MRPL11: variants seen among roughly 807,000 people sequenced by gnomAD.
MRPL11 encodes large ribosomal subunit protein uL11m.
MRPL11 carries 21 observed loss-of-function variants against 19.1 expected under a neutral mutation model. The ratio of observed to expected loss-of-function variants is 1.10; its 90% CI spans 0.78 to 1.58. MRPL11 has a LOEUF of 1.58. Ranked by LOEUF, MRPL11 falls within the 40% of genes most tolerant of loss-of-function variation. MRPL11 has a pLI of 0.00. For missense variants in MRPL11, 242 were observed against 243.9 expected (o/e 0.99, Z 0.05); for synonymous variants, 108 against 99.7 (o/e 1.08, Z -0.49).
At position 66,437,235 on chromosome 11, in the gene MRPL11, CA is replaced by C. The variant is rs1160978719; in HGVS notation, c.341del (p.Leu114Ter). The C allele has an allele frequency of 6.2e-7, 1 of 1,614,058 alleles. No individual in the cohort carries two copies. Among genetic ancestry groups the C allele is most frequent in the Non-Finnish European group, 8.5e-7 (1 of 1,180,030 alleles). ...TGKEVAGLVTLKHVYEIARIK... is the reference protein window; with the variant it reads ...TGKEVAGLVTXKHVYEIARIK... Reference sequence around the variant, plus strand: ...TGCGGGCAATCTCATACACATGCTTCAAGGTCACCAGGCCTGCCACCTCTTT... The same window carrying C: ...TGCGGGCAATCTCATACACATGCTTCAGGTCACCAGGCCTGCCACCTCTTT... On this transcript the variant is annotated frameshift_variant, in exon 4 of 5. Transcript: ENST00000310999. LOFTEE classifies it high-confidence loss of function.
chr11:66,437,177 C>T lies in MRPL11; in HGVS notation c.400G>A (p.Asp134Asn). ...KAQDEAFALQ[D>N]VPLSSVVRSI... Reference sequence around the variant, plus strand: ...CGGACAACAGACGACAGGGGTACATCCTGCAGGGCAAATGCCTCATCCTGA... The same window carrying T: ...CGGACAACAGACGACAGGGGTACATTCTGCAGGGCAAATGCCTCATCCTGA... Residue 134 changes from aspartate (D) to asparagine (N), a missense_variant, in exon 4 of 5, where the codon GAT becomes AAT. Physicochemically the swap from Asp to Asn is conservative, Grantham distance 23 (BLOSUM62 1). Coordinates refer to ENST00000310999, the MANE Select transcript of MRPL11 (RefSeq NM_016050.5). The T allele has an allele frequency of 6.2e-7, 1 of 1,614,224 alleles. No homozygotes were observed. The highest frequency in any genetic ancestry group is 8.5e-7 in the Non-Finnish European group (1 of 1,180,036).
rs147930041 is a variant in MRPL11, at chr11:66,438,278, G to T, written c.124-19C>A. On this transcript the variant is annotated intron_variant, in intron 1 of 4. Coordinates refer to ENST00000310999, the MANE Select transcript of MRPL11 (RefSeq NM_016050.5). ...CGCCTCTCTGTGAGGGAAGCAGAGG[G>T]GGTTAGTGGTGAGAGGAGGGGACGG... The T allele has an allele frequency of 1.0e-5, 16 of 1,591,904 alleles. No individual in the cohort carries two copies. Among genetic ancestry groups the T allele is most frequent in the Admixed American group, 1.7e-5 (1 of 59,992 alleles).
intron 2 of MRPL11, among the ~76,000 whole-genome samples, chr11:66,437,644 G>A (rs370785832): frequency 1.3e-5 from 2 of 152,104 alleles, no homozygotes; most frequent in African/African-American, 4.8e-5. Context: ...AGGAAAAGGC[G>A]GGTGGATCAC....
chr11:66,436,932 T>A, intron 4 of MRPL11, 172 bp downstream of exon 4: 1 of 1,604,202 alleles, frequency 6.2e-7, no homozygotes. Context: ...AGGTGCCCAA[T>A]AAGAGTATTC....
intron 1 of MRPL11, 46 bp downstream of exon 1, chr11:66,438,586 C>T (rs754582612): frequency 1.3e-6 from 2 of 1,489,104 alleles, no homozygotes; most frequent in East Asian, 4.7e-5. Flanking sequence ...TCCTAGCTTC[C>T]ACCATCCTAG....
chr11:66,438,225 A>T lies in MRPL11; in HGVS notation c.158T>A (p.Phe53Tyr). 6.2e-7 allele frequency: 1 copy of T among 1,614,048 alleles called. No homozygotes were observed. The highest frequency in any genetic ancestry group is 8.5e-7 in the Non-Finnish European group (1 of 1,179,946). Residue 53 changes from phenylalanine to tyrosine, a missense_variant, in exon 2 of 5, where the codon TTC becomes TAC. Phe to Tyr is a conservative substitution (Grantham distance 22). Coordinates refer to ENST00000310999, the MANE Select transcript of MRPL11 (RefSeq NM_016050.5). ...CTTGATGTCCTTTGTCCTCTCATTG[A>T]ACTCCTTGCAAAACTGGTTGATGGA... ...GVSINQFCKE[F>Y]NERTKDIKEG...
chr11:66,437,049 C>T lies in MRPL11; in HGVS notation c.473+55G>A, dbSNP rs529514204. The stretch of plus-strand genomic sequence containing the variant: ...TGCAATGGGCCCTCTCAGCTCTGCC[C>T]GAGTCCAGAGCTTTCTGGGCCCTCT... On this transcript the variant is annotated intron_variant, in intron 4 of 4. Coordinates refer to ENST00000310999, the MANE Select transcript of MRPL11 (RefSeq NM_016050.5). 32 of 1,601,856 alleles carry T rather than the reference C, an allele frequency of 2.0e-5. No individual in the cohort carries two copies. The African/African-American group carries it at 2.0e-4, about 10-fold the overall frequency.
intron 2 of MRPL11, among the ~76,000 whole-genome samples, chr11:66,437,704 C>A (rs549676350): frequency 6.6e-6 from 1 of 152,296 alleles, no homozygotes; most frequent in East Asian, 1.9e-4. Context: ...GAAACCCCAT[C>A]TCTACTAAAA....
rs377737227 is a variant in MRPL11, at chr11:66,438,734, G to A, written c.21C>T (p.Ala7=). ...CCTCGGGCTTCCTGAGGCCCCGGGC[G>A]GCCCGGCCGAGCTTTGACATGATGC... The part of the protein sequence containing the change: MSKLGR[A]ARGLRKPEVG... Residue 7 remains alanine (A), a synonymous_variant, in exon 1 of 5, where the codon GCC becomes GCT. Transcript: ENST00000310999. The A allele has an allele frequency of 1.9e-6, 3 of 1,572,820 alleles. No homozygotes were observed. The highest frequency in any genetic ancestry group is 2.3e-5 in the East Asian group (1 of 43,184).
At position 66,436,423 on chromosome 11, in the gene MRPL11, G is replaced by A. The variant is rs148627841; in HGVS notation, c.474-311C>T. Among the ~76,000 whole-genome samples, 318 of 152,072 alleles carry A rather than the reference G, an allele frequency of 2.1e-3. 1 individual carries two copies. Among genetic ancestry groups the A allele is most frequent in the Admixed American group, 3.6e-3 (55 of 15,284 alleles). On this transcript the variant is annotated intron_variant, in intron 4 of 4. Coordinates refer to ENST00000310999, the MANE Select transcript of MRPL11 (RefSeq NM_016050.5). ...GCCCCAGAATATGCTGTACAATGAC[G>A]TCACGGGGCTGAGCATGTGTGTCTC... is the stretch of plus-strand genomic sequence containing the variant.
intron 4 of MRPL11, chr11:66,436,763 A>C: frequency 1.5e-6 from 2 of 1,365,838 alleles, no homozygotes; most frequent in South Asian, 2.4e-5. Flanking sequence ...TGAACCTGAC[A>C]CAGCTCAAAA....
At position 66,438,786 on chromosome 11, in the gene MRPL11, G is replaced by C; in HGVS notation, c.-32C>G. 1 of 1,482,810 alleles carries C rather than the reference G, an allele frequency of 6.7e-7. No homozygotes were observed. The highest frequency in any genetic ancestry group is 9.0e-7 in the Non-Finnish European group (1 of 1,112,576). The allele number at this position is 1,482,810 out of a possible 1,614,324, so 91.9% of individuals were successfully genotyped here. A position where few individuals can be genotyped will look rare whatever the true frequency, so the allele number is the denominator to read the frequency against. On this transcript the variant is annotated 5_prime_UTR_variant, in exon 1 of 5. Coordinates refer to ENST00000310999, the MANE Select transcript of MRPL11 (RefSeq NM_016050.5). ...GGGCTGCTGGCTTCAGTTCACCTCA[G>C]GGGAGCAGCAAGAGCGAAGCTCTGG...
chr11:66,435,935 ACCT>A lies in MRPL11; in HGVS notation c.*69_*71del, dbSNP rs555368185. On this transcript the variant is annotated 3_prime_UTR_variant, in exon 5 of 5. Transcript: ENST00000310999. ...TGAAAACCATCATCATATTGGTGTGACCTCCTTCCTCCCCTTGGGCACAGCTTT... is the reference window on the plus strand; with the variant it reads ...TGAAAACCATCATCATATTGGTGTGACCTTCCTCCCCTTGGGCACAGCTTT... The A allele has an allele frequency of 2.2e-4, 234 of 1,067,624 alleles. 3 individuals are homozygous for A. In the South Asian group the frequency reaches 2.8e-3, roughly 13 times the overall value. The allele number at this position is 1,067,624 out of a possible 1,614,324, so 66.1% of individuals were successfully genotyped here.
Position 66,438,739 on chromosome 11 carries a change from G to A in MRPL11, c.16C>T (p.Arg6Trp), listed in dbSNP as rs746031563. Reference sequence around the variant, plus strand: ...GGCTTCCTGAGGCCCCGGGCGGCCCGGCCGAGCTTTGACATGATGCGGGGC... The same window carrying A: ...GGCTTCCTGAGGCCCCGGGCGGCCCAGCCGAGCTTTGACATGATGCGGGGC... MSKLG[R>W]AARGLRKPEV... The change falls in exon 1 of 5, where the codon CGG becomes TGG. Residue 6 changes from arginine (R) to tryptophan (W), a missense_variant. By Grantham distance (101) the Arg-to-Trp change is moderately radical. Coordinates refer to ENST00000310999, the MANE Select transcript of MRPL11 (RefSeq NM_016050.5). 1.5e-5 allele frequency: 23 copies of A among 1,568,716 alleles called. No homozygotes were observed. Among genetic ancestry groups the A allele is most frequent in the Non-Finnish European group, 2.0e-5 (23 of 1,157,192 alleles).
Position 66,435,951 on chromosome 11 carries a change from T to C in MRPL11, c.*56A>G. On this transcript the variant is annotated 3_prime_UTR_variant, in exon 5 of 5. Coordinates refer to ENST00000310999, the MANE Select transcript of MRPL11 (RefSeq NM_016050.5). ...ATTGGTGTGACCTCCTTCCTCCCCT[T>C]GGGCACAGCTTTTGCAACTACCTCC... 2 of 1,356,882 alleles carry C rather than the reference T, an allele frequency of 1.5e-6. No individual in the cohort carries two copies. Among genetic ancestry groups the C allele is most frequent in the Non-Finnish European group, 2.1e-6 (2 of 951,372 alleles). The allele number at this position is 1,356,882 out of a possible 1,614,324, so 84.1% of individuals were successfully genotyped here.
intron 4 of MRPL11, chr11:66,436,816 C>A: frequency 1.2e-6 from 2 of 1,612,360 alleles, no homozygotes; most frequent in Non-Finnish European, 1.7e-6. Context: ...CTCCACTTGC[C>A]TCTAGGACGA....
intron 4 of MRPL11, 159 bp downstream of exon 4, chr11:66,436,945 G>T: frequency 6.3e-7 from 1 of 1,596,978 alleles, no homozygotes; most frequent in Non-Finnish European, 8.6e-7. Flanking sequence ...GAGTATTCCA[G>T]ATCAATGAAT....
intron 2 of MRPL11, among the ~76,000 whole-genome samples, 161 bp downstream of exon 2, chr11:66,438,003 G>C (rs958409291): frequency 1.8e-4 from 27 of 152,182 alleles, no homozygotes; most frequent in Non-Finnish European, 2.9e-4. Flanking sequence ...TGGCAAGATG[G>C]GGCTGGTTCA....
chr11:66,436,962 T>C, intron 4 of MRPL11, 142 bp downstream of exon 4: 2 of 1,550,972 alleles, frequency 1.3e-6, no homozygotes, highest in Non-Finnish European at 1.8e-6. Context: ...GAATGTGGCC[T>C]CCCACCCCCA....
Sources: allele counts gnomAD v4.1 joint callset (sites outside exome capture counted in the v4.1 genomes callset), GRCh38; gene constraint gnomAD v4.1.1; transcripts MANE v1.5; gene names NCBI Gene and HGNC (gene_info 2026-07-23, HGNC 2026-07-21).